CBFA2T3: variants seen among roughly 807,000 people sequenced by gnomAD.
CBFA2T3 encodes transcriptional corepressor CBFA2T3.
CBFA2T3 carries 31 observed loss-of-function variants against 58.6 expected under a neutral mutation model. The ratio of observed to expected loss-of-function variants is 0.53; its 90% confidence interval spans 0.40 to 0.71. The LOEUF is 0.71. CBFA2T3 is among the 30% of genes least tolerant of loss of function. The pLI is 0.00. For synonymous variants in CBFA2T3, 531 were observed against 421.9 expected (o/e 1.26, Z -3.17); for missense variants, 1,076 against 963.1 (o/e 1.12, Z -1.55).
At chr16:88,913,812 C>A (rs114064219) in intron 1 of CBFA2T3, among the ~76,000 whole-genome samples, 1 of 152,100 alleles carries the variant, frequency 6.6e-6, no homozygotes, top group African/African-American at 2.4e-5. Flanking sequence ...ATTATCTACT[C>A]GACACAAAAC....
In CBFA2T3 at chr16:88,875,452, C is replaced by T. The variant is rs539077525; in HGVS notation, c.*1524G>A. ...GGGTGGCTGGGCAGGAGCACCAGGG[C>T]TATGTACACGGTCAGGGTCTTCCCT... On this transcript the variant is annotated 3_prime_UTR_variant, in exon 12 of 12. Transcript: ENST00000268679. The T allele has an allele frequency of 4.3e-6, 1 of 233,126 alleles. No individual in the cohort carries two copies. Among genetic ancestry groups the T allele is most frequent in the Non-Finnish European group, 8.5e-6 (1 of 118,160 alleles). The allele number at this position is 233,126 out of a possible 1,614,324, so 14.4% of individuals were successfully genotyped here.
chr16:88,911,419 G>C (rs1374579912), intron 1 of CBFA2T3, among the ~76,000 whole-genome samples: 2 of 152,248 alleles, frequency 1.3e-5, no homozygotes, highest in African/African-American at 4.8e-5. Context: ...GCCTCTTTGG[G>C]TGGGGTCACA....
At chr16:88,922,414 A>G (rs1970951077) in intron 1 of CBFA2T3, among the ~76,000 whole-genome samples, 1 of 152,224 alleles carries the variant, frequency 6.6e-6, no homozygotes, top group Non-Finnish European at 1.5e-5. Flanking sequence ...TGCACTCACC[A>G]TGTCTGCCCC....
intron 1 of CBFA2T3, among the ~76,000 whole-genome samples, chr16:88,935,843 G>A (rs1055324806): frequency 2.0e-5 from 3 of 152,218 alleles, no homozygotes; most frequent in East Asian, 3.9e-4. Context: ...ATCACAGCCC[G>A]AAGGGGTAAA....
Position 88,892,493 on chromosome 16 carries a change from A to C in CBFA2T3, c.380-8T>G. The C allele has an allele frequency of 6.2e-7, 1 of 1,611,168 alleles. No homozygotes were observed. Among genetic ancestry groups the C allele is most frequent in the South Asian group, 1.1e-5 (1 of 91,086 alleles). On this transcript the variant is annotated splice_region_variant and splice_polypyrimidine_tract_variant and intron_variant, in intron 3 of 11. Coordinates refer to ENST00000268679, the MANE Select transcript of CBFA2T3 (RefSeq NM_005187.6). ...GGCTGCTGCCGTTCATCACTGCAGGAGGGAAGCGGACATGAGGACACAAAG... is the reference window on the plus strand; with the variant it reads ...GGCTGCTGCCGTTCATCACTGCAGGCGGGAAGCGGACATGAGGACACAAAG...
intron 8 of CBFA2T3, 62 bp downstream of exon 8, chr16:88,882,614 G>GT: frequency 9.7e-7 from 1 of 1,027,272 alleles, no homozygotes; most frequent in African/African-American, 1.6e-5. Context: ...GCGTGGCTGT[G>GT]TGTGTGCGTG....
chr16:88,903,142 C>T (rs546421129), intron 1 of CBFA2T3, among the ~76,000 whole-genome samples: 1 of 152,208 alleles, frequency 6.6e-6, no homozygotes, highest in Non-Finnish European at 1.5e-5. Context: ...ACGGAGAGAT[C>T]CACCCAGGGC....
At chr16:88,889,366 C>A in intron 5 of CBFA2T3, among the ~76,000 whole-genome samples, 1 of 46,190 alleles carries the variant, frequency 2.2e-5, no homozygotes, top group Non-Finnish European at 4.0e-5. Context: ...ACTGGGGCAG[C>A]GGAGGGAGGG....
chr16:88,920,842 G>C (rs1182689277), intron 1 of CBFA2T3, among the ~76,000 whole-genome samples: 1 of 152,220 alleles, frequency 6.6e-6, no homozygotes, highest in East Asian at 1.9e-4. Flanking sequence ...GCCCACCTGA[G>C]GCTGCCTCCC....
intron 1 of CBFA2T3, among the ~76,000 whole-genome samples, chr16:88,914,316 C>T (rs1040064492): frequency 3.9e-5 from 6 of 152,166 alleles, no homozygotes; most frequent in Non-Finnish European, 8.8e-5. Flanking sequence ...GGGGACAGGT[C>T]GGAAAACGTT....
chr16:88,949,164 A>T (rs1971980856), intron 1 of CBFA2T3, among the ~76,000 whole-genome samples: 1 of 152,268 alleles, frequency 6.6e-6, no homozygotes, highest in Non-Finnish European at 1.5e-5. Flanking sequence ...AAATTAAGGC[A>T]GCCGAGAAAC....
chr16:88,947,897 G>A (rs903237156), intron 1 of CBFA2T3, among the ~76,000 whole-genome samples: 16 of 152,178 alleles, frequency 1.1e-4, no homozygotes, highest in African/African-American at 3.9e-4. Flanking sequence ...CTGGGTGATG[G>A]AACGAGACCC....
Position 88,886,103 on chromosome 16 carries a change from C to A in CBFA2T3, c.751G>T (p.Ala251Ser). 6.3e-7 allele frequency: 1 copy of A among 1,586,518 alleles called. No individual in the cohort carries two copies. The change falls in exon 6 of 12, where the codon GCA becomes TCA. Residue 251 changes from alanine (A) to serine (S), a missense_variant. By Grantham distance (99) the Ala-to-Ser change is moderately conservative. Coordinates refer to ENST00000268679, the MANE Select transcript of CBFA2T3 (RefSeq NM_005187.6). Reference sequence around the variant, plus strand: ...GCGGGCGTCTGCTTGGCCAGGCGTGCACAGTGCAGGAGCTCCCGCTGCAGC... The same window carrying A: ...GCGGGCGTCTGCTTGGCCAGGCGTGAACAGTGCAGGAGCTCCCGCTGCAGC... The part of the protein sequence containing the change: ...PLLQRELLHC[A>S]RLAKQTPAQY...
intron 1 of CBFA2T3, among the ~76,000 whole-genome samples, chr16:88,920,757 A>G (rs1002298281): frequency 1.3e-5 from 2 of 152,210 alleles, no homozygotes; most frequent in African/African-American, 4.8e-5. Context: ...GGATTCTGCC[A>G]GGAGGACTGG....
Position 88,891,904 on chromosome 16 carries a change from G to A in CBFA2T3, c.689C>T (p.Pro230Leu). 1.2e-6 allele frequency: 2 copies of A among 1,612,852 alleles called. No homozygotes were observed. The highest frequency in any genetic ancestry group is 1.7e-6 in the Non-Finnish European group (2 of 1,179,408). The change falls in exon 5 of 12, where the codon CCG becomes CTG. Residue 230 changes from proline to leucine, a missense_variant. Transcript: ENST00000268679. ...LQEATNFPLR[P>L]FVIPFLKANL... ...TACCTTCAGGAAGGGAATGACAAAC[G>A]GCCGCAGAGGGAAGTTGGTGGCCTC...
intron 8 of CBFA2T3, among the ~76,000 whole-genome samples, chr16:88,882,398 T>G (rs1597659461): frequency 6.8e-6 from 1 of 147,938 alleles, no homozygotes; most frequent in Non-Finnish European, 1.5e-5. Context: ...TATGGCTGTG[T>G]GTGTGGGTGT....
chr16:88,951,058 TC>T (rs1972056281), intron 1 of CBFA2T3: 1 of 385,786 alleles, frequency 2.6e-6, no homozygotes. Context: ...GCACCTGTCT[TC>T]CGGATCTGTT....
At chr16:88,942,669 A>G (rs1418726889) in intron 1 of CBFA2T3, among the ~76,000 whole-genome samples, 1 of 152,168 alleles carries the variant, frequency 6.6e-6, no homozygotes, top group Non-Finnish European at 1.5e-5. Context: ...CACTAACCGC[A>G]GTGTGGCCCA....
intron 1 of CBFA2T3, among the ~76,000 whole-genome samples, chr16:88,934,177 AGGGC>A (rs1971415751): frequency 2.2e-5 from 3 of 134,632 alleles, no homozygotes; most frequent in African/African-American, 1.0e-4. Context: ...ACCGGCGAGA[AGGGC>A]TGCCCCACGC....
Sources: gnomAD v4.1 joint callset for allele counts (sites outside exome capture counted in the v4.1 genomes callset) on GRCh38, gnomAD v4.1.1 for gene constraint, MANE v1.5 for transcripts, NCBI Gene and HGNC (gene_info 2026-07-23, HGNC 2026-07-21) for gene names.